Variants in VGLL4 observed in about 807,000 individuals in gnomAD.
VGLL4 encodes the protein transcription cofactor vestigial-like protein 4.
VGLL4 carries 7 observed loss-of-function variants against 21.0 expected under a neutral mutation model. The observed-to-expected ratio is 0.33, with a 90% CI of 0.19 to 0.63. VGLL4 has a LOEUF of 0.63. Ranked by LOEUF, VGLL4 falls within the 20% of genes least tolerant of loss-of-function variation. The pLI, the probability that VGLL4 is intolerant of heterozygous loss-of-function variation, is 0.78. For synonymous variants in VGLL4, 222 were observed against 173.2 expected (o/e 1.28, Z -2.21); for missense variants, 394 against 425.7 (o/e 0.93, Z 0.66).
chr3:11,558,722 G>A lies in VGLL4; in HGVS notation c.725C>T (p.Ser242Phe). 6.2e-7 allele frequency: 1 copy of A among 1,614,178 alleles called. No homozygotes were observed. The highest frequency in any genetic ancestry group is 8.5e-7 in the Non-Finnish European group (1 of 1,180,040). The change falls in exon 5 of 5, where the codon TCC (serine) becomes TTC (phenylalanine). Residue 242 changes from serine to phenylalanine, a missense_variant. Transcript: ENST00000430365. Reference protein sequence around the residue: ...PAPNSVSITGSVDDHFAKALG... With the variant: ...PAPNSVSITGFVDDHFAKALG... Reference sequence around the variant, plus strand: ...AGCTTTGGCAAAGTGGTCGTCCACGGAGCCCGTGATGGACACGGAGTTGGG... The same window carrying A: ...AGCTTTGGCAAAGTGGTCGTCCACGAAGCCCGTGATGGACACGGAGTTGGG...
In VGLL4 at chr3:11,565,385, C is replaced by T. The variant is rs192689219; in HGVS notation, c.273-366G>A. On this transcript the variant is annotated intron_variant, in intron 2 of 4. Coordinates refer to ENST00000430365, the MANE Select transcript of VGLL4 (RefSeq NM_001128219.3). The surrounding 1 kb of genome is among the most constrained non-coding windows in gnomAD (Gnocchi z 4.1). Reference sequence around the variant, plus strand: ...ACCTGCCATTTGGACAGGACGGGGACGCTGACAACGATCCAGAGTCACTGG... The same window carrying T: ...ACCTGCCATTTGGACAGGACGGGGATGCTGACAACGATCCAGAGTCACTGG... Among the ~76,000 whole-genome samples, 77 of 152,312 alleles carry T rather than the reference C, an allele frequency of 5.1e-4. No individual in the cohort carries two copies. The highest frequency in any genetic ancestry group is 9.7e-4 in the Non-Finnish European group (66 of 68,028).
At chr3:11,602,166 C>CA (rs1340093534) in intron 1 of VGLL4, 144 bp from the exon 2 acceptor site, 5 of 664,430 alleles carry the variant, frequency 7.5e-6, no homozygotes, top group Non-Finnish European at 1.2e-5. Context: ...CGCCTGCCAT[C>CA]CTCTGAACAT....
At chr3:11,661,089 C>A (rs138132200) in intron 2 of VGLL4, among the ~76,000 whole-genome samples, 1 of 152,140 alleles carries the variant, frequency 6.6e-6, no homozygotes, top group Admixed American at 6.5e-5. Flanking sequence ...AAAGTGTGAG[C>A]AGCAGTCAAA....
chr3:11,658,850 T>C (rs2075993774), intron 2 of VGLL4, among the ~76,000 whole-genome samples: 4 of 152,202 alleles, frequency 2.6e-5, no homozygotes, highest in Admixed American at 6.5e-5. Context: ...CAGCTGCTAA[T>C]AGAAGACACT....
At chr3:11,693,108 T>C (rs1464621369) in intron 2 of VGLL4, 1 of 209,220 alleles carries the variant, frequency 4.8e-6, no homozygotes, top group Non-Finnish European at 1.0e-5. Flanking sequence ...GGGGCGGAGC[T>C]TGCAGTGAGC....
At chr3:11,701,362 GA>G (rs34493914) in intron 2 of VGLL4, among the ~76,000 whole-genome samples, 67,895 of 151,986 alleles carry the variant, frequency 0.45, 15,821 homozygotes, top group Non-Finnish European at 0.53. Context: ...AAGCCAAGCA[GA>G]CACTCATGCC....
chr3:11,573,997 A>C (rs1486365221), intron 2 of VGLL4, among the ~76,000 whole-genome samples: 1 of 152,234 alleles, frequency 6.6e-6, no homozygotes, highest in African/African-American at 2.4e-5. Context: ...GAAGACCGTC[A>C]TCAACAAGCC....
chr3:11,721,106 T>C (rs1470483038), upstream of VGLL4: 2 of 152,238 alleles, frequency 1.3e-5, no homozygotes, highest in Non-Finnish European at 2.9e-5. Flanking sequence ...CAGTCATTAT[T>C]AGGAGCCCCT....
chr3:11,568,720 G>A lies in VGLL4; in HGVS notation c.273-3701C>T, dbSNP rs1394086060. On this transcript the variant is annotated intron_variant, in intron 2 of 4. Coordinates refer to ENST00000430365, the MANE Select transcript of VGLL4 (RefSeq NM_001128219.3). This position sits in a 1 kb window ranked among gnomAD's most constrained non-coding sequence, Gnocchi z 5.9. ...TGCTTCCCAGGCGTCATGTGCTCCC[G>A]GGGACGGCAGAAAACCGCACGCATC... is the stretch of plus-strand genomic sequence containing the variant. The A allele has an allele frequency of 2.1e-5, 32 of 1,542,798 alleles. No homozygotes were observed. The highest frequency in any genetic ancestry group is 6.9e-5 in the African/African-American group (5 of 72,782).
chr3:11,671,644 A>G (rs2076218558), intron 2 of VGLL4, among the ~76,000 whole-genome samples: 1 of 152,212 alleles, frequency 6.6e-6, no homozygotes, highest in South Asian at 2.1e-4. Context: ...ATGTTGCTCA[A>G]GGGTCAACTG....
In VGLL4 at chr3:11,568,394, T is replaced by A. The variant is rs1249813177; in HGVS notation, c.273-3375A>T. 6.6e-6 allele frequency among the ~76,000 whole-genome samples: 1 copy of A among 152,110 alleles called. No individual in the cohort carries two copies. Among genetic ancestry groups the A allele is most frequent in the Non-Finnish European group, 1.5e-5 (1 of 67,998 alleles). On this transcript the variant is annotated intron_variant, in intron 2 of 4. Transcript: ENST00000430365. The surrounding 1 kb of genome is among the most constrained non-coding windows in gnomAD (Gnocchi z 5.9). ...GGTAAGGACGGGGCAGCCCTGCACC[T>A]AAATCTGCCATCTATGCTCCCACAG... is the stretch of plus-strand genomic sequence containing the variant.
chr3:11,634,425 G>A (rs1370556512), intron 1 of VGLL4, among the ~76,000 whole-genome samples: 1 of 152,140 alleles, frequency 6.6e-6, no homozygotes, highest in East Asian at 1.9e-4. Flanking sequence ...GCCACCGTCA[G>A]AATTTGCCTT....
At chr3:11,655,979 A>T (rs1459610128) in intron 2 of VGLL4, among the ~76,000 whole-genome samples, 1 of 152,224 alleles carries the variant, frequency 6.6e-6, no homozygotes, top group Non-Finnish European at 1.5e-5. Flanking sequence ...AGAGCTCCAG[A>T]ATCTAAGCTG....
At position 11,600,750 on chromosome 3, in the gene VGLL4, AG is replaced by A. The variant is rs1388356123; in HGVS notation, c.272+1082del. On this transcript the variant is annotated intron_variant, in intron 2 of 4. Transcript: ENST00000430365. ...CTCTGCGGAAACTCTGCCTCCAAGG[AG>A]GAGCCCTCACAGGAAGGTATTCCTG... 4.6e-5 allele frequency among the ~76,000 whole-genome samples: 7 copies of A among 152,148 alleles called. 1 individual carries two copies. The highest frequency in any genetic ancestry group is 1.7e-4 in the African/African-American group (7 of 41,440).
At chr3:11,678,737 T>TA (rs977149244) in intron 2 of VGLL4, among the ~76,000 whole-genome samples, 3 of 152,018 alleles carry the variant, frequency 2.0e-5, no homozygotes, top group Non-Finnish European at 2.9e-5. Flanking sequence ...TTTTTTATAA[T>TA]AAAAAAAATT....
At chr3:11,676,303 C>T (rs968187801) in intron 2 of VGLL4, among the ~76,000 whole-genome samples, 10 of 151,808 alleles carry the variant, frequency 6.6e-5, no homozygotes, top group South Asian at 2.1e-4. Context: ...AGAAGAATGG[C>T]GTGAACCCAG....
intron 1 of VGLL4, among the ~76,000 whole-genome samples, chr3:11,616,145 C>T (rs2075158308): frequency 6.6e-6 from 1 of 152,134 alleles, no homozygotes; most frequent in Non-Finnish European, 1.5e-5. Flanking sequence ...CTCTTCCCTC[C>T]CCCGCCCCTC....
intron 2 of VGLL4, among the ~76,000 whole-genome samples, chr3:11,592,800 G>C (rs1218824975): frequency 6.6e-6 from 1 of 152,136 alleles, no homozygotes; most frequent in Admixed American, 6.5e-5. Context: ...ATCTGTAAAG[G>C]AGGGATAACG....
At chr3:11,709,324 CTACTCGGGAGGCTGAGGCAGGAGAA>C (rs1477055025) in intron 1 of VGLL4, among the ~76,000 whole-genome samples, 2 of 151,296 alleles carry the variant, frequency 1.3e-5, no homozygotes, top group Non-Finnish European at 2.9e-5. Flanking sequence ...GTAATCCCAG[CTACTCGGGAGGCTGAGGCAGGAGAA>C]TAGCTTGAAC....
Sources: gnomAD v4.1 joint callset for allele counts (sites outside exome capture counted in the v4.1 genomes callset) on GRCh38, gnomAD v4.1.1 for gene constraint, Gnocchi (gnomAD v3.1) non-coding constraint, MANE v1.5 for transcripts, NCBI Gene and HGNC (gene_info 2026-07-23, HGNC 2026-07-21) for gene names.